The following SLC16A10 variants were observed in gnomAD, a reference collection of about 807,000 sequenced individuals.
SLC16A10 encodes the protein solute carrier family 16 member 10.
In SLC16A10, 27 loss-of-function variants were observed where a neutral mutation model predicts 40.0. The observed-to-expected ratio is 0.67, with a 90% CI of 0.50 to 0.93. The LOEUF is 0.93. SLC16A10 is among the 40% of genes least tolerant of loss of function. The probability of loss-of-function intolerance (pLI) is 0.00; values close to 1 mark genes in which losing one functional copy is unlikely to be tolerated. For missense variants in SLC16A10, 529 were observed against 658.2 expected (o/e 0.80, Z 2.15); for synonymous variants, 213 against 249.8 (o/e 0.85, Z 1.39).
chr6:111,133,938 C>T (rs1771830825), intron 1 of SLC16A10, among the ~76,000 whole-genome samples: 1 of 152,198 alleles, frequency 6.6e-6, no homozygotes, highest in Non-Finnish European at 1.5e-5. Context: ...TCAGATAACC[C>T]TGATGGCTAT....
chr6:111,167,645 T>TTTATTG (rs1554259349), intron 1 of SLC16A10, among the ~76,000 whole-genome samples: 48 of 149,354 alleles, frequency 3.2e-4, no homozygotes, highest in Non-Finnish European at 4.0e-4. Context: ...TATTTATTTA[T>TTTATTG]TGTGTGTGTG....
In SLC16A10 at chr6:111,177,533, C is replaced by G; in HGVS notation, c.810C>G (p.Leu270=). The change falls in exon 3 of 6, where the codon CTC becomes CTG. Residue 270 remains leucine, a synonymous_variant. Transcript: ENST00000368851. The part of the protein sequence containing the change: ...DKESGGSGSS[L]FSRKKFSPPK... The stretch of plus-strand genomic sequence containing the variant: ...AGAGTGGAGGTAGCGGATCCTCCCT[C>G]TTTTCCAGGAAAAAGTTCAGTCCTC... 1 of 1,613,474 alleles carries G rather than the reference C, an allele frequency of 6.2e-7. No homozygotes were observed. The highest frequency in any genetic ancestry group is 8.5e-7 in the Non-Finnish European group (1 of 1,179,846).
chr6:111,154,907 C>T (rs73530944), intron 1 of SLC16A10, among the ~76,000 whole-genome samples: 2 of 150,958 alleles, frequency 1.3e-5, no homozygotes, highest in African/African-American at 2.4e-5. Context: ...CCTGCAATCT[C>T]AGCTACTTGG....
intron 1 of SLC16A10, among the ~76,000 whole-genome samples, chr6:111,104,613 T>G (rs1359189880): frequency 6.6e-6 from 1 of 152,064 alleles, no homozygotes; most frequent in African/African-American, 2.4e-5. Context: ...TTTAGACATG[T>G]GGAGCGTTAA....
rs2114601195 is a variant in SLC16A10, at chr6:111,226,972, A to C, written c.*4737A>C. 6.6e-6 allele frequency: 1 copy of C among 152,370 alleles called. No homozygotes were observed. The highest frequency in any genetic ancestry group is 2.1e-4 in the South Asian group (1 of 4,826). The allele number at this position is 152,370 out of a possible 1,614,324, so 9.4% of individuals were successfully genotyped here. A position where few individuals can be genotyped will look rare whatever the true frequency, so the allele number is the denominator to read the frequency against. The stretch of plus-strand genomic sequence containing the variant: ...CATAGTGAGATTTCGTCTCTACAAA[A>C]AAAATTTAGCCAGCTTGGTGGCACA... On this transcript the variant is annotated 3_prime_UTR_variant, in exon 6 of 6. Transcript: ENST00000368851.
intron 1 of SLC16A10, among the ~76,000 whole-genome samples, chr6:111,168,732 T>G (rs1312183213): frequency 6.6e-6 from 1 of 152,318 alleles, no homozygotes; most frequent in East Asian, 1.9e-4. Flanking sequence ...TATTGGAATT[T>G]CAGTTTAGGC....
At chr6:111,182,437 ACTT>A (rs1003459661) in intron 3 of SLC16A10, among the ~76,000 whole-genome samples, 12 of 144,160 alleles carry the variant, frequency 8.3e-5, no homozygotes, top group East Asian at 4.1e-4. Context: ...TTCTTTGCTC[ACTT>A]CTTCTTTTTC....
intron 1 of SLC16A10, among the ~76,000 whole-genome samples, chr6:111,104,047 T>C (rs566847911): frequency 6.6e-6 from 1 of 152,150 alleles, no homozygotes; most frequent in East Asian, 1.9e-4. Context: ...ACTGGGCTTA[T>C]TAAGTGAATG....
chr6:111,087,714 C>T lies in SLC16A10; in HGVS notation c.-39C>T, dbSNP rs1583295095. The T allele has an allele frequency of 9.7e-6, 11 of 1,134,980 alleles. No homozygotes were observed. In the East Asian group the frequency reaches 3.9e-4, roughly 40 times the overall value. The allele number at this position is 1,134,980 out of a possible 1,614,324, so 70.3% of individuals were successfully genotyped here. A position where few individuals can be genotyped will look rare whatever the true frequency, so the allele number is the denominator to read the frequency against. ...GGGAGCCCGCTGGTAACTCGCGTCC[C>T]TCGCGCTTCTCCGGCGCCTGAGGGG... On this transcript the variant is annotated 5_prime_UTR_variant, in exon 1 of 6. Coordinates refer to ENST00000368851, the MANE Select transcript of SLC16A10 (RefSeq NM_018593.5).
chr6:111,164,264 C>T (rs1282242551), intron 1 of SLC16A10, among the ~76,000 whole-genome samples: 1 of 149,180 alleles, frequency 6.7e-6, no homozygotes, highest in Non-Finnish European at 1.5e-5. Flanking sequence ...TCCTTACACA[C>T]CTTGATGTAA....
At chr6:111,197,471 T>A (rs751890368) in intron 3 of SLC16A10, among the ~76,000 whole-genome samples, 7 of 152,256 alleles carry the variant, frequency 4.6e-5, no homozygotes, top group Non-Finnish European at 7.3e-5. Flanking sequence ...AAATACTTGC[T>A]TATTGACACT....
chr6:111,222,477 G>A lies in SLC16A10; in HGVS notation c.*242G>A. On this transcript the variant is annotated 3_prime_UTR_variant, in exon 6 of 6. Coordinates refer to ENST00000368851, the MANE Select transcript of SLC16A10 (RefSeq NM_018593.5). ...AAAACGTCTGAAAGTCACATATTGT[G>A]AAAATTTGAAGCTATCTCAGTAAAA... The A allele has an allele frequency of 2.5e-6, 1 of 394,686 alleles. No homozygotes were observed. Among genetic ancestry groups the A allele is most frequent in the Non-Finnish European group, 4.3e-6 (1 of 229,912 alleles). 24.4% of individuals were successfully genotyped at this position (394,686 alleles called of 1,614,324 possible).
At chr6:111,110,336 C>T (rs1245121047) in intron 1 of SLC16A10, among the ~76,000 whole-genome samples, 5 of 117,792 alleles carry the variant, frequency 4.2e-5, no homozygotes, top group South Asian at 3.2e-4. Flanking sequence ...TAGAGTCAAG[C>T]GAGGGTAACA....
At chr6:111,185,903 G>T (rs981589957) in intron 3 of SLC16A10, among the ~76,000 whole-genome samples, 10 of 144,530 alleles carry the variant, frequency 6.9e-5, no homozygotes, top group African/African-American at 2.0e-4. Flanking sequence ...TCACCAGTGG[G>T]TTTTTTTTTT....
chr6:111,144,000 TTCAGTGTAGGTTCC>T (rs1320758938), intron 1 of SLC16A10, among the ~76,000 whole-genome samples: 2 of 152,098 alleles, frequency 1.3e-5, no homozygotes, highest in Non-Finnish European at 2.9e-5. Context: ...ATAATGATGT[TTCAGTGTAGGTTCC>T]TCAGTTATAA....
chr6:111,173,337 A>G (rs1033905496), intron 2 of SLC16A10: 3 of 152,586 alleles, frequency 2.0e-5, no homozygotes, highest in African/African-American at 7.2e-5. Flanking sequence ...TTCTTTAAAA[A>G]AAGAACATGC....
At chr6:111,145,220 A>AT (rs927459739) in intron 1 of SLC16A10, among the ~76,000 whole-genome samples, 79 of 149,644 alleles carry the variant, frequency 5.3e-4, no homozygotes, top group Non-Finnish European at 5.9e-4. Flanking sequence ...CCTGGGTAAC[A>AT]TGGCAAGACC....
At chr6:111,208,539 C>T (rs1271378971) in intron 4 of SLC16A10, among the ~76,000 whole-genome samples, 2 of 151,758 alleles carry the variant, frequency 1.3e-5, no homozygotes, top group African/African-American at 4.8e-5. Context: ...GATTGTGCCA[C>T]TGCACTCCAG....
chr6:111,130,350 A>G (rs1321675447), intron 1 of SLC16A10, among the ~76,000 whole-genome samples: 2 of 152,240 alleles, frequency 1.3e-5, no homozygotes, highest in African/African-American at 2.4e-5. Context: ...TGTGCCCTCT[A>G]GAAGACAGCT....
Sources: allele counts gnomAD v4.1 joint callset (sites outside exome capture counted in the v4.1 genomes callset), GRCh38; gene constraint gnomAD v4.1.1; transcripts MANE v1.5; gene names NCBI Gene and HGNC (gene_info 2026-07-23, HGNC 2026-07-21).